ATP13A4: variants seen among roughly 807,000 people sequenced by gnomAD.
ATP13A4 encodes probable cation-transporting ATPase 13A4.
ATP13A4 carries 114 observed loss-of-function variants against 142.5 expected under a neutral mutation model. The observed-to-expected ratio is 0.80, with a 90% CI of 0.69 to 0.93. The LOEUF (loss-of-function observed/expected upper bound fraction) is 0.93. Among genes scored for constraint, ATP13A4 ranks in the 40% least tolerant of loss-of-function variants. The probability of loss-of-function intolerance (pLI) is 0.00; values close to 1 mark genes in which losing one functional copy is unlikely to be tolerated. For synonymous variants in ATP13A4, 488 were observed against 514.8 expected (o/e 0.95, Z 0.70); for missense variants, 1,392 against 1,454.0 (o/e 0.96, Z 0.69).
At chr3:193,579,951 G>T (rs1724497868) in intron 2 of ATP13A4, among the ~76,000 whole-genome samples, 1 of 152,108 alleles carries the variant, frequency 6.6e-6, no homozygotes, top group Admixed American at 6.6e-5. Context: ...TGCCTAAAAT[G>T]GCATTGAACC....
intron 25 of ATP13A4, among the ~76,000 whole-genome samples, chr3:193,416,604 C>T (rs963820734): frequency 6.6e-6 from 1 of 151,918 alleles, no homozygotes; most frequent in African/African-American, 2.4e-5. Context: ...TGCTGCTCAA[C>T]AGCAAACTTG....
rs1178199961 is a variant in ATP13A4 at position 193,467,450 on chromosome 3, T to C, written c.980A>G (p.Lys327Arg). Residue 327 changes from lysine (K) to arginine (R), a missense_variant, in exon 10 of 30, where the codon AAG becomes AGG. Physicochemically the swap from Lys to Arg is conservative, Grantham distance 26. Transcript: ENST00000342695. ...SIPVTKTPLP[K>R]MDSSVPWKTQ... ...TTTCCAGGGCACAGAGCTATCCATC[T>C]TGGGTAACGGAGTTTTGGTGACTGG... 30 of 1,613,792 alleles carry C rather than the reference T, an allele frequency of 1.9e-5. No homozygotes were observed. The highest frequency in any genetic ancestry group is 2.4e-5 in the Non-Finnish European group (28 of 1,179,998).
intron 1 of ATP13A4, among the ~76,000 whole-genome samples, chr3:193,526,854 T>A (rs374909365): frequency 1.3e-5 from 2 of 152,300 alleles, no homozygotes; most frequent in East Asian, 3.9e-4. Context: ...CTAGCAGTGT[T>A]CTGTCTTCTG....
chr3:193,554,717 A>AG (rs781078655), intron 1 of ATP13A4, 23 bp downstream of exon 1: 5 of 1,612,152 alleles, frequency 3.1e-6, no homozygotes, highest in Non-Finnish European at 4.2e-6. Flanking sequence ...GATGGGAAGA[A>AG]GGGAATGTGG....
At position 193,578,712 on chromosome 3, in the gene ATP13A4, CTCTG is replaced by C. The variant is rs915731967; in HGVS notation, n.291+2991_291+2994del. On this transcript the variant is annotated intron_variant and non_coding_transcript_variant, in intron 2 of 3. Coordinates refer to the ATP13A4 transcript ENST00000489140. The stretch of plus-strand genomic sequence containing the variant: ...AAAAGGGAGAGGAAAGGAACATACC[CTCTG>C]TCTGTCTGTCTGTCTGTCTCTCTCT... 1.8e-4 allele frequency: 27 copies of C among 152,670 alleles called. 1 individual carries two copies. Among genetic ancestry groups the C allele is most frequent in the South Asian group, 4.1e-4 (2 of 4,828 alleles). The allele number at this position is 152,670 out of a possible 1,614,324, so 9.5% of individuals were successfully genotyped here.
At chr3:193,551,563 C>T (rs556583335) in intron 1 of ATP13A4, among the ~76,000 whole-genome samples, 26 of 152,226 alleles carry the variant, frequency 1.7e-4, no homozygotes, top group Non-Finnish European at 3.1e-4. Flanking sequence ...GCTCACACCT[C>T]GCCAGAACTG....
intron 3 of ATP13A4, among the ~76,000 whole-genome samples, chr3:193,495,644 A>G (rs1017926649): frequency 3.3e-5 from 5 of 152,190 alleles, no homozygotes; most frequent in Admixed American, 2.6e-4. Context: ...GAAAATATTG[A>G]AAGTTTTTCC....
chr3:193,414,969 T>A (rs1395800008), intron 25 of ATP13A4, among the ~76,000 whole-genome samples: 1 of 152,112 alleles, frequency 6.6e-6, no homozygotes, highest in African/African-American at 2.4e-5. Flanking sequence ...TTTGGCCTTA[T>A]AAATAGGGAA....
At chr3:193,520,627 G>C (rs748213603) in intron 1 of ATP13A4, among the ~76,000 whole-genome samples, 20 of 152,268 alleles carry the variant, frequency 1.3e-4, no homozygotes, top group Admixed American at 2.0e-4. Flanking sequence ...AGTCCAAAAA[G>C]TGTGTTCACA....
intron 2 of ATP13A4, among the ~76,000 whole-genome samples, chr3:193,561,650 A>G (rs773552779): frequency 2.0e-5 from 3 of 152,188 alleles, no homozygotes; most frequent in African/African-American, 4.8e-5. Context: ...TGCACCTCCT[A>G]GTACTCAGAC....
intron 1 of ATP13A4, among the ~76,000 whole-genome samples, chr3:193,526,037 A>T (rs1721983578): frequency 6.6e-6 from 1 of 152,218 alleles, no homozygotes; most frequent in Admixed American, 6.5e-5. Flanking sequence ...ATTTGGCATT[A>T]TAGTAACTTT....
At chr3:193,414,421 C>T (rs984363787) in intron 26 of ATP13A4, among the ~76,000 whole-genome samples, 158 bp downstream of exon 26, 1 of 152,088 alleles carries the variant, frequency 6.6e-6, no homozygotes, top group Non-Finnish European at 1.5e-5. Context: ...TTAAATCATG[C>T]TACAGAGAAG....
chr3:193,475,969 C>T (rs1347100780), intron 8 of ATP13A4, among the ~76,000 whole-genome samples: 4 of 151,692 alleles, frequency 2.6e-5, no homozygotes, highest in Non-Finnish European at 5.9e-5. Context: ...TCATTGAGAA[C>T]CAGAACTTTG....
At chr3:193,570,928 A>G (rs1257738302) in intron 2 of ATP13A4, among the ~76,000 whole-genome samples, 2 of 152,226 alleles carry the variant, frequency 1.3e-5, no homozygotes, top group Non-Finnish European at 2.9e-5. Flanking sequence ...GGTAGCTATT[A>G]TTATTATTAA....
intron 1 of ATP13A4, among the ~76,000 whole-genome samples, chr3:193,588,565 G>T (rs1215711798): frequency 1.3e-5 from 2 of 151,958 alleles, no homozygotes; most frequent in East Asian, 3.8e-4. Flanking sequence ...TTTGGTTAAG[G>T]GCCCTCACAC....
intron 8 of ATP13A4, among the ~76,000 whole-genome samples, chr3:193,479,752 A>T (rs1235064688): frequency 2.0e-5 from 3 of 152,206 alleles, no homozygotes; most frequent in African/African-American, 7.2e-5. Context: ...TTCTTCACAG[A>T]ACTAGAAAAA....
upstream of ATP13A4, among the ~76,000 whole-genome samples, chr3:193,556,849 T>C (rs10470361): frequency 0.029 from 4,343 of 152,308 alleles, 101 homozygotes; most frequent in Non-Finnish European, 0.042. Flanking sequence ...AGTAATTATA[T>C]ATTTAGTACA....
intron 23 of ATP13A4, among the ~76,000 whole-genome samples, chr3:193,436,970 G>A (rs995163614): frequency 1.3e-5 from 2 of 148,576 alleles, no homozygotes; most frequent in South Asian, 2.1e-4. Flanking sequence ...CGGGCGTGGT[G>A]GCGGGCGCCT....
chr3:193,507,466 A>G (rs1720918230), intron 2 of ATP13A4, among the ~76,000 whole-genome samples: 1 of 152,196 alleles, frequency 6.6e-6, no homozygotes, highest in South Asian at 2.1e-4. Context: ...TATAATATAC[A>G]TAAAGTTCTA....
Sources: gnomAD v4.1 joint callset for allele counts (sites outside exome capture counted in the v4.1 genomes callset) on GRCh38, gnomAD v4.1.1 for gene constraint, MANE v1.5 for transcripts, NCBI Gene and HGNC (gene_info 2026-07-23, HGNC 2026-07-21) for gene names.